The following CSNK1D variants were observed in gnomAD, a reference collection of about 807,000 sequenced individuals.
CSNK1D encodes casein kinase 1 delta.
In CSNK1D, 16 loss-of-function variants were observed where a neutral mutation model predicts 46.6. The ratio of observed to expected loss-of-function variants is 0.34; its 90% CI spans 0.23 to 0.52. The LOEUF (loss-of-function observed/expected upper bound fraction) is 0.52, where lower values mean the gene tolerates loss of function less well. Among genes scored for constraint, CSNK1D ranks in the 20% least tolerant of loss-of-function variants. CSNK1D has a pLI of 0.95. For synonymous variants in CSNK1D, 276 were observed against 228.2 expected (o/e 1.21, Z -1.89); for missense variants, 398 against 578.4 (o/e 0.69, Z 3.20).
chr17:82,242,263 C>T (rs1038067086), downstream of CSNK1D, among the ~76,000 whole-genome samples: 9 of 151,738 alleles, frequency 5.9e-5, no homozygotes, highest in East Asian at 1.2e-3. Context: ...GCAGGGCCAT[C>T]GGGCAGCTCC....
At chr17:82,245,839 ACAGAG>A in intron 8 of CSNK1D, 1 of 881,464 alleles carries the variant, frequency 1.1e-6, no homozygotes, top group South Asian at 1.5e-5. Context: ...CACAAGAAGA[ACAGAG>A]CAGAAGAAGC....
chr17:82,241,693 G>C (rs2050743865), downstream of CSNK1D, among the ~76,000 whole-genome samples: 1 of 152,232 alleles, frequency 6.6e-6, no homozygotes, highest in South Asian at 2.1e-4. Flanking sequence ...GGGGCAGCAA[G>C]AGGGAACCAC....
In CSNK1D at chr17:82,249,202, G is replaced by T. The variant is rs2083899233; in HGVS notation, c.1058-188C>A. The T allele has an allele frequency of 5.1e-6, 4 of 790,134 alleles. No homozygotes were observed. Among genetic ancestry groups the T allele is most frequent in the South Asian group, 1.8e-5 (1 of 55,566 alleles). 48.9% of individuals were successfully genotyped at this position (790,134 alleles called of 1,614,324 possible). Reference sequence around the variant, plus strand: ...CAAAGGGACATGGGAGCGAGGTCAAGGGGCTCACAGGGGAGGAACGTGAGA... The same window carrying T: ...CAAAGGGACATGGGAGCGAGGTCAATGGGCTCACAGGGGAGGAACGTGAGA... On this transcript the variant is annotated intron_variant, in intron 7 of 8. Transcript: ENST00000314028. The surrounding 1 kb of genome is among the most constrained non-coding windows in gnomAD (Gnocchi z 6.7).
intron 1 of CSNK1D, among the ~76,000 whole-genome samples, chr17:82,271,790 A>G (rs895590561): frequency 6.6e-6 from 1 of 152,162 alleles, no homozygotes; most frequent in African/African-American, 2.4e-5. Context: ...AGAACTGGAG[A>G]CTGTCCACAT....
intron 1 of CSNK1D, among the ~76,000 whole-genome samples, chr17:82,269,245 A>C (rs889121323): frequency 1.2e-4 from 19 of 152,130 alleles, no homozygotes; most frequent in African/African-American, 4.3e-4. Flanking sequence ...CAAAAAAAAC[A>C]GGGAGACGCC....
Position 82,250,029 on chromosome 17 carries a change from C to T in CSNK1D, c.886-427G>A, listed in dbSNP as rs114625245. On this transcript the variant is annotated intron_variant, in intron 6 of 8. Transcript: ENST00000314028. This position sits in a 1 kb window ranked among gnomAD's most constrained non-coding sequence, Gnocchi z 4.6. ...CGGGGTGGGGATGAGAGCGTTTGGTCGGACGAGGAGTACACTCAGGGTCCG... is the reference window on the plus strand; with the variant it reads ...CGGGGTGGGGATGAGAGCGTTTGGTTGGACGAGGAGTACACTCAGGGTCCG... 1.4e-5 allele frequency: 17 copies of T among 1,244,762 alleles called. No homozygotes were observed. Among genetic ancestry groups the T allele is most frequent in the Non-Finnish European group, 1.4e-5 (14 of 965,682 alleles). The allele number at this position is 1,244,762 out of a possible 1,614,324, so 77.1% of individuals were successfully genotyped here.
At chr17:82,270,561 A>C (rs1048811581) in intron 1 of CSNK1D, among the ~76,000 whole-genome samples, 2 of 152,132 alleles carry the variant, frequency 1.3e-5, no homozygotes, top group Non-Finnish European at 2.9e-5. Context: ...TGCCCAAACA[A>C]AACTATGGTG....
At chr17:82,264,275 G>C (rs1287822636) in intron 2 of CSNK1D, among the ~76,000 whole-genome samples, 1 of 152,214 alleles carries the variant, frequency 6.6e-6, no homozygotes, top group Non-Finnish European at 1.5e-5. Flanking sequence ...CCACAGACGT[G>C]GCACAGCCAC....
chr17:82,260,727 TGACG>T (rs1383266363), intron 2 of CSNK1D, among the ~76,000 whole-genome samples: 1 of 142,716 alleles, frequency 7.0e-6, no homozygotes, highest in East Asian at 1.9e-4. Flanking sequence ...GTGTACTGAC[TGACG>T]GTGTACCGAC....
Position 82,244,480 on chromosome 17 carries a change from G to A in CSNK1D, c.*301C>T. The A allele has an allele frequency of 2.2e-6, 3 of 1,381,378 alleles. No homozygotes were observed. Among genetic ancestry groups the A allele is most frequent in the Non-Finnish European group, 2.8e-6 (3 of 1,063,588 alleles). 85.6% of individuals were successfully genotyped at this position (1,381,378 alleles called of 1,614,324 possible). On this transcript the variant is annotated 3_prime_UTR_variant, in exon 9 of 9. Coordinates refer to ENST00000314028, the MANE Select transcript of CSNK1D (RefSeq NM_001893.6). ...CAGGGAGTACAGGGCGGCCACCACTGGAGGGAGCTGAGGCCCTGGAAAAGG... is the reference window on the plus strand; with the variant it reads ...CAGGGAGTACAGGGCGGCCACCACTAGAGGGAGCTGAGGCCCTGGAAAAGG...
downstream of CSNK1D, among the ~76,000 whole-genome samples, chr17:82,240,807 TG>T (rs1170752464): frequency 6.6e-6 from 1 of 152,114 alleles, no homozygotes; most frequent in Non-Finnish European, 1.5e-5. Context: ...GTGTGGGGGC[TG>T]GGGTCCCTGT....
chr17:82,258,390 T>C (rs932102506), intron 2 of CSNK1D, among the ~76,000 whole-genome samples: 2 of 151,816 alleles, frequency 1.3e-5, no homozygotes, highest in Non-Finnish European at 2.9e-5. Context: ...GATTTGGGAA[T>C]AGTTGCATTC....
At position 82,247,334 on chromosome 17, in the gene CSNK1D, C is replaced by T. The variant is rs1246130980; in HGVS notation, c.1197+1541G>A. Reference sequence around the variant, plus strand: ...AGCCACACCCAGGTGCCGCCAAGGCCGTGTACCGAGAAAAGGCAGCTGGAC... The same window carrying T: ...AGCCACACCCAGGTGCCGCCAAGGCTGTGTACCGAGAAAAGGCAGCTGGAC... On this transcript the variant is annotated intron_variant, in intron 8 of 8. Coordinates refer to ENST00000314028, the MANE Select transcript of CSNK1D (RefSeq NM_001893.6). 7.1e-6 allele frequency: 7 copies of T among 985,318 alleles called. No homozygotes were observed. In the East Asian group the frequency reaches 4.5e-4, roughly 64 times the overall value. 61.0% of individuals were successfully genotyped at this position (985,318 alleles called of 1,614,324 possible). A position where few individuals can be genotyped will look rare whatever the true frequency, so the allele number is the denominator to read the frequency against.
chr17:82,262,385 C>T (rs2051362144), intron 2 of CSNK1D, among the ~76,000 whole-genome samples: 1 of 152,178 alleles, frequency 6.6e-6, no homozygotes, highest in Middle Eastern at 3.2e-3. Flanking sequence ...AGCTCAGTAC[C>T]CACTGCCCAG....
At chr17:82,239,857 T>C, downstream of CSNK1D, 2 of 528,220 alleles carry the variant, frequency 3.8e-6, no homozygotes, top group Non-Finnish European at 5.8e-6. Flanking sequence ...CTTTGCACCC[T>C]GTCCTCCATC....
Position 82,251,526 on chromosome 17 carries a change from G to C in CSNK1D, c.738C>G (p.Ser246=), listed in dbSNP as rs181243841. The C allele has an allele frequency of 6.2e-7, 1 of 1,613,768 alleles. No individual in the cohort carries two copies. The highest frequency in any genetic ancestry group is 1.3e-5 in the African/African-American group (1 of 74,866). ...PIEVLCKGYP[S]EFATYLNFCR... ...AGAAATTCAGGTATGTGGCAAATTC[G>C]GCTACAAAACAAGAAACTCAAAGCT... The change falls in exon 6 of 9, where the codon TCC becomes TCG. Residue 246 remains serine, a splice_region_variant and synonymous_variant. Coordinates refer to ENST00000314028, the MANE Select transcript of CSNK1D (RefSeq NM_001893.6). The surrounding 1 kb of genome is among the most constrained non-coding windows in gnomAD (Gnocchi z 4.5).
At position 82,249,153 on chromosome 17, in the gene CSNK1D, C is replaced by A; in HGVS notation, c.1058-139G>T. 2 of 1,090,828 alleles carry A rather than the reference C, an allele frequency of 1.8e-6. No individual in the cohort carries two copies. Among genetic ancestry groups the A allele is most frequent in the South Asian group, 1.5e-5 (1 of 64,590 alleles). The allele number at this position is 1,090,828 out of a possible 1,614,324, so 67.6% of individuals were successfully genotyped here. On this transcript the variant is annotated intron_variant, in intron 7 of 8. Coordinates refer to ENST00000314028, the MANE Select transcript of CSNK1D (RefSeq NM_001893.6). The surrounding 1 kb of genome is among the most constrained non-coding windows in gnomAD (Gnocchi z 6.7). The stretch of plus-strand genomic sequence containing the variant: ...CCTGGCTGTGGCCGATGGCCACCAA[C>A]ACTCAGATCCGGCCGGAGGGACACA...
Position 82,273,146 on chromosome 17 carries a change from C to A in CSNK1D, c.76+160G>T. The A allele has an allele frequency of 2.8e-6, 2 of 720,860 alleles. No homozygotes were observed. Among genetic ancestry groups the A allele is most frequent in the Non-Finnish European group, 4.5e-6 (2 of 442,476 alleles). 44.7% of individuals were successfully genotyped at this position (720,860 alleles called of 1,614,324 possible). On this transcript the variant is annotated intron_variant, in intron 1 of 8. Transcript: ENST00000314028. The surrounding 1 kb of genome is among the most constrained non-coding windows in gnomAD (Gnocchi z 5.1). Reference sequence around the variant, plus strand: ...CCACTGCCCTCCCCACCCCTGGCCGCGCTAGCCTAGTGGCCGTTGGGTTCT... The same window carrying A: ...CCACTGCCCTCCCCACCCCTGGCCGAGCTAGCCTAGTGGCCGTTGGGTTCT...
rs777989212 is a variant in CSNK1D, at chr17:82,273,287, G to A, written c.76+19C>T. 3 of 1,597,606 alleles carry A rather than the reference G, an allele frequency of 1.9e-6. No homozygotes were observed. The highest frequency in any genetic ancestry group is 3.4e-5 in the Admixed American group (2 of 59,322). Reference sequence around the variant, plus strand: ...GGGCCCGGGTCTTCGGGCGGCGGGCGGGGGCGGCGGGGCCTCACCGAGATA... The same window carrying A: ...GGGCCCGGGTCTTCGGGCGGCGGGCAGGGGCGGCGGGGCCTCACCGAGATA... On this transcript the variant is annotated intron_variant, in intron 1 of 8. Transcript: ENST00000314028. The surrounding 1 kb of genome is among the most constrained non-coding windows in gnomAD (Gnocchi z 5.1).
Sources: gnomAD v4.1 joint callset for allele counts (sites outside exome capture counted in the v4.1 genomes callset) on GRCh38, gnomAD v4.1.1 for gene constraint, Gnocchi (gnomAD v3.1) non-coding constraint, MANE v1.5 for transcripts, NCBI Gene and HGNC (gene_info 2026-07-23, HGNC 2026-07-21) for gene names.